The following FBXO28 variants were observed in gnomAD, a reference collection of about 807,000 sequenced individuals.
FBXO28 encodes F-box only protein 28.
A neutral mutation model predicts 38.1 loss-of-function variants in FBXO28; 8 were observed. The observed-to-expected ratio is 0.21, with a 90% confidence interval of 0.12 to 0.38. FBXO28 has a LOEUF of 0.38. FBXO28 is among the 10% of genes least tolerant of loss of function. The pLI, the probability that FBXO28 is intolerant of heterozygous loss-of-function variation, is 1.00. For synonymous variants in FBXO28, 168 were observed against 173.8 expected, an observed-to-expected ratio of 0.97 and a Z score of 0.26; for missense variants, 345 against 460.6, an observed-to-expected ratio of 0.75 and a Z score of 2.30.
chr1:224,134,506 C>T (rs751428016), intron 3 of FBXO28: 7 of 227,922 alleles, frequency 3.1e-5, no homozygotes, highest in Admixed American at 1.1e-4. Context: ...GCCAGAGATA[C>T]AGCAATGAAC....
chr1:224,130,863 G>A (rs1657022972), intron 2 of FBXO28: 2 of 282,038 alleles, frequency 7.1e-6, no homozygotes, highest in South Asian at 5.5e-5. Context: ...ATATGATCTT[G>A]TGGATAAGGA....
At chr1:224,117,554 T>C (rs1288033729) in intron 1 of FBXO28, among the ~76,000 whole-genome samples, 3 of 152,210 alleles carry the variant, frequency 2.0e-5, no homozygotes, top group African/African-American at 7.2e-5. Context: ...TGTAAAATTA[T>C]TTGGCTGAAC....
chr1:224,144,470 A>C (rs4653987), intron 3 of FBXO28, among the ~76,000 whole-genome samples: 140,534 of 151,936 alleles, frequency 0.92, 65,873 homozygotes, highest in Non-Finnish European at 1. Flanking sequence ...TCAAAAAAAA[A>C]CAAAAAAGGC....
intron 3 of FBXO28, chr1:224,134,441 T>A (rs1054014144): frequency 2.8e-6 from 1 of 352,628 alleles, no homozygotes; most frequent in Admixed American, 4.5e-5. Context: ...TTAGAGAAGT[T>A]TTTTAAGAGT....
intron 4 of FBXO28, among the ~76,000 whole-genome samples, chr1:224,154,317 A>T (rs1410191936): frequency 2.0e-5 from 3 of 152,252 alleles, no homozygotes; most frequent in African/African-American, 7.2e-5. Context: ...GGTTCTGTGG[A>T]TACCTGAAGT....
chr1:224,153,642 C>G (rs758084425), intron 4 of FBXO28, among the ~76,000 whole-genome samples: 50 of 152,170 alleles, frequency 3.3e-4, no homozygotes, highest in Non-Finnish European at 2.4e-4. Flanking sequence ...TGGGCCCGGC[C>G]AGGCGCAGTG....
intron 3 of FBXO28, among the ~76,000 whole-genome samples, chr1:224,139,752 ACATGCATGCATG>A (rs56730196): frequency 3.6e-5 from 4 of 109,736 alleles, no homozygotes; most frequent in Admixed American, 2.6e-4. Context: ...ATAAATACAT[ACATGCATGCATG>A]CATACATACA....
At position 224,128,614 on chromosome 1, in the gene FBXO28, T is replaced by C. The variant is rs888521306; in HGVS notation, c.268-1858T>C. Among the ~76,000 whole-genome samples the C allele has an allele frequency of 9.9e-5, 15 of 152,172 alleles. No homozygotes were observed. In the East Asian group the frequency reaches 2.7e-3, roughly 27 times the overall value. On this transcript the variant is annotated intron_variant, in intron 1 of 4. Transcript: ENST00000366862. ...CTGACTCAGGTTTTCAAATGTAAGA[T>C]GACTTGGACAAGAATGCATATAAGT...
intron 1 of FBXO28, among the ~76,000 whole-genome samples, chr1:224,130,000 AAG>A (rs1309460977): frequency 6.6e-6 from 1 of 150,706 alleles, no homozygotes; most frequent in Non-Finnish European, 1.5e-5. Flanking sequence ...AAAAAAAAAA[AAG>A]AAATTACATG....
At chr1:224,126,403 TC>T (rs1656904454) in intron 1 of FBXO28, among the ~76,000 whole-genome samples, 1 of 152,230 alleles carries the variant, frequency 6.6e-6, no homozygotes, top group South Asian at 2.1e-4. Context: ...TTATTTCTTC[TC>T]AGAAATTATC....
intron 4 of FBXO28, among the ~76,000 whole-genome samples, chr1:224,155,598 A>G (rs1037390851): frequency 6.6e-6 from 1 of 152,246 alleles, no homozygotes; most frequent in African/African-American, 2.4e-5. Context: ...TAAATTATTT[A>G]ATGTCCCTAA....
At chr1:224,117,735 C>T (rs1389188673) in intron 1 of FBXO28, among the ~76,000 whole-genome samples, 1 of 152,028 alleles carries the variant, frequency 6.6e-6, no homozygotes, top group Non-Finnish European at 1.5e-5. Flanking sequence ...ACTTACAGTG[C>T]GGTGGCTCAC....
chr1:224,119,601 GTCA>G (rs1048344729), intron 1 of FBXO28, among the ~76,000 whole-genome samples: 2 of 152,020 alleles, frequency 1.3e-5, no homozygotes, highest in African/African-American at 2.4e-5. Context: ...CCACTGTGTC[GTCA>G]TCAAGAGAAA....
chr1:224,115,195 A>G (rs1281727141), intron 1 of FBXO28, among the ~76,000 whole-genome samples: 1 of 152,214 alleles, frequency 6.6e-6, no homozygotes, highest in Non-Finnish European at 1.5e-5. Context: ...TTTTAAAAAT[A>G]ATGAATTTGC....
chr1:224,142,100 C>A (rs1243078757), intron 3 of FBXO28, among the ~76,000 whole-genome samples: 1 of 147,280 alleles, frequency 6.8e-6, no homozygotes, highest in East Asian at 2.0e-4. Flanking sequence ...GCCTGTAATC[C>A]CAGCACTTTG....
At chr1:224,122,839 AC>A (rs1292847028) in intron 1 of FBXO28, among the ~76,000 whole-genome samples, 1 of 152,126 alleles carries the variant, frequency 6.6e-6, no homozygotes, top group East Asian at 1.9e-4. Flanking sequence ...ATCCCTTATT[AC>A]CTCAAGAAGT....
chr1:224,114,257 C>T lies in FBXO28; in HGVS notation c.128C>T (p.Pro43Leu). 6.4e-7 allele frequency: 1 copy of T among 1,555,058 alleles called. No homozygotes were observed. Among genetic ancestry groups the T allele is most frequent in the Non-Finnish European group, 8.7e-7 (1 of 1,149,510 alleles). Residue 43 changes from proline (P) to leucine (L), a missense_variant, in exon 1 of 5, where the codon CCG becomes CTG. Physicochemically the swap from Pro to Leu is moderately conservative, Grantham distance 98 (BLOSUM62 -3). Around this residue, in one of 6 missense-constraint regions of FBXO28, gnomAD observed 104 missense variants for 82.0 expected, o/e 1.27. Coordinates refer to ENST00000366862, the MANE Select transcript of FBXO28 (RefSeq NM_015176.4). ...PPPPAPQHPQ[P>L]GSQALPAPAL... The stretch of plus-strand genomic sequence containing the variant: ...CCGCCCGCGCCACAGCACCCGCAGC[C>T]GGGGTCCCAGGCGCTCCCAGCCCCC...
intron 3 of FBXO28, among the ~76,000 whole-genome samples, chr1:224,144,183 G>A (rs568447117): frequency 1.6e-3 from 237 of 150,950 alleles, no homozygotes; most frequent in African/African-American, 5.7e-3. Context: ...GAATGAATGG[G>A]CCAGGTGTGG....
intron 1 of FBXO28, among the ~76,000 whole-genome samples, chr1:224,120,063 A>G (rs1350376795): frequency 1.3e-5 from 2 of 152,250 alleles, no homozygotes; most frequent in African/African-American, 4.8e-5. Flanking sequence ...CACCAGATAT[A>G]TCTGCATACC....
Sources: allele counts gnomAD v4.1 joint callset (sites outside exome capture counted in the v4.1 genomes callset), GRCh38; gene constraint gnomAD v4.1.1; regional missense constraint gnomAD v4.1.1; transcripts MANE v1.5; gene names NCBI Gene and HGNC (gene_info 2026-07-23, HGNC 2026-07-21).